Variants in TPRG1 observed in about 807,000 individuals in gnomAD.
TPRG1 encodes the protein tumor protein p63 regulated 1.
A neutral mutation model predicts 29.3 loss-of-function variants in TPRG1; 29 were observed. The ratio of observed to expected loss-of-function variants is 0.99; its 90% CI spans 0.74 to 1.35. The LOEUF (loss-of-function observed/expected upper bound fraction) is 1.35. Among genes scored for constraint, TPRG1 ranks in the 40% most tolerant of loss-of-function variants. TPRG1 has a pLI of 0.00. For missense variants in TPRG1, 327 were observed against 335.0 expected (o/e 0.98, Z 0.19); for synonymous variants, 130 against 116.8 (o/e 1.11, Z -0.73).
chr3:189,302,489 C>T (rs1720991538), intron 4 of TPRG1, among the ~76,000 whole-genome samples: 1 of 152,222 alleles, frequency 6.6e-6, no homozygotes, highest in South Asian at 2.1e-4. Flanking sequence ...TGTGAGGCTC[C>T]GTGTACAGAA....
At chr3:189,132,418 T>C (rs1008582714) in exon 3 of TPRG1, 2 of 152,196 alleles carry the variant, frequency 1.3e-5, no homozygotes, top group Non-Finnish European at 2.9e-5. Flanking sequence ...GTCAAATGTG[T>C]GCGACCCTTC....
chr3:189,286,667 A>G (rs1718109950), intron 4 of TPRG1, among the ~76,000 whole-genome samples: 2 of 152,118 alleles, frequency 1.3e-5, no homozygotes, highest in African/African-American at 2.4e-5. Flanking sequence ...TCAGATTTGT[A>G]GGCCAGCCAC....
intron 4 of TPRG1, among the ~76,000 whole-genome samples, chr3:189,304,456 A>G (rs1721316002): frequency 6.6e-6 from 1 of 152,002 alleles, no homozygotes; most frequent in Non-Finnish European, 1.5e-5. Flanking sequence ...TTTCTTGGTT[A>G]CCCTTGCCAG....
chr3:189,323,750 T>C lies in TPRG1; in HGVS notation c.*2930T>C, dbSNP rs1256523670. 1.3e-5 allele frequency: 2 copies of C among 152,152 alleles called. No homozygotes were observed. Among genetic ancestry groups the C allele is most frequent in the Non-Finnish European group, 2.9e-5 (2 of 68,022 alleles). The allele number at this position is 152,152 out of a possible 1,614,324, so 9.4% of individuals were successfully genotyped here. On this transcript the variant is annotated 3_prime_UTR_variant, in exon 6 of 6. Coordinates refer to ENST00000345063, the MANE Select transcript of TPRG1 (RefSeq NM_198485.4). ...TTAGCAAATGGCATGATGAGTTTGA[T>C]TGATAATAGGAGTAGACGCAAGATA... is the stretch of plus-strand genomic sequence containing the variant.
chr3:189,259,362 G>A (rs898654662), intron 4 of TPRG1, among the ~76,000 whole-genome samples: 2 of 151,494 alleles, frequency 1.3e-5, no homozygotes, highest in East Asian at 3.9e-4. Context: ...GATGAACTGG[G>A]TACCTCAGTT....
chr3:189,026,598 A>G (rs1337952823), intron 4 of TPRG1, among the ~76,000 whole-genome samples: 1 of 152,214 alleles, frequency 6.6e-6, no homozygotes, highest in Non-Finnish European at 1.5e-5. Flanking sequence ...TGGGAATGGC[A>G]AGTAGGGTTT....
At chr3:189,052,870 G>C (rs982666569) in intron 4 of TPRG1, among the ~76,000 whole-genome samples, 4 of 152,118 alleles carry the variant, frequency 2.6e-5, no homozygotes, top group Admixed American at 6.5e-5. Context: ...ACTGATATGT[G>C]GTAGCTAAGC....
chr3:189,038,938 T>C (rs1714457975), intron 4 of TPRG1, among the ~76,000 whole-genome samples: 1 of 152,044 alleles, frequency 6.6e-6, no homozygotes, highest in African/African-American at 2.4e-5. Context: ...ACCCATCAGA[T>C]TGGTAAAAAT....
rs1724254467 is a variant in TPRG1 at position 189,320,883 on chromosome 3, A to G, written c.*63A>G. On this transcript the variant is annotated 3_prime_UTR_variant, in exon 6 of 6. Coordinates refer to ENST00000345063, the MANE Select transcript of TPRG1 (RefSeq NM_198485.4). ...ATGTCACTTTGAAAATTCCAGTTTG[A>G]CCCACGCTATTTTTGGACTGAAACA... 5 of 1,313,596 alleles carry G rather than the reference A, an allele frequency of 3.8e-6. No homozygotes were observed. The highest frequency in any genetic ancestry group is 5.1e-6 in the Non-Finnish European group (5 of 988,100). The allele number at this position is 1,313,596 out of a possible 1,614,324, so 81.4% of individuals were successfully genotyped here.
intron 3 of TPRG1, among the ~76,000 whole-genome samples, chr3:189,137,503 T>A (rs1723920412): frequency 6.6e-6 from 1 of 152,206 alleles, no homozygotes; most frequent in Non-Finnish European, 1.5e-5. Flanking sequence ...GAGCAGTGTT[T>A]GATGTGAGCA....
At chr3:189,013,202 A>T (rs955171946) in intron 3 of TPRG1, among the ~76,000 whole-genome samples, 1 of 152,102 alleles carries the variant, frequency 6.6e-6, no homozygotes, top group Non-Finnish European at 1.5e-5. Context: ...AGTCTCAGAG[A>T]TTCTGGTACT....
At chr3:189,139,681 T>C (rs1371649791) in intron 3 of TPRG1, among the ~76,000 whole-genome samples, 1 of 151,818 alleles carries the variant, frequency 6.6e-6, no homozygotes, top group East Asian at 1.9e-4. Flanking sequence ...TTTTTTTTTT[T>C]TCAAAAAAAA....
At chr3:189,139,614 G>A (rs537211631) in intron 3 of TPRG1, among the ~76,000 whole-genome samples, 3 of 150,904 alleles carry the variant, frequency 2.0e-5, no homozygotes, top group African/African-American at 7.3e-5. Flanking sequence ...ATATAGCAGC[G>A]TTTTCTTTTC....
chr3:189,234,181 G>A (rs1306498222), intron 3 of TPRG1, among the ~76,000 whole-genome samples: 1 of 152,114 alleles, frequency 6.6e-6, no homozygotes, highest in Non-Finnish European at 1.5e-5. Flanking sequence ...GCTTGGCCTT[G>A]TGCATATTTA....
chr3:189,264,633 G>C lies in TPRG1; in HGVS notation c.479+25724G>C, dbSNP rs946334467. 5.3e-5 allele frequency among the ~76,000 whole-genome samples: 8 copies of C among 151,934 alleles called. No homozygotes were observed. In the East Asian group the frequency reaches 9.7e-4, roughly 18 times the overall value. On this transcript the variant is annotated intron_variant, in intron 4 of 5. Transcript: ENST00000345063. ...TTCATTTAGGTGTGTCTGACTACTA[G>C]AGTTTTTTTTCCAATGAAGTGTTCA...
intron 3 of TPRG1, among the ~76,000 whole-genome samples, chr3:189,137,565 T>G (rs1286019444): frequency 2.6e-5 from 4 of 152,118 alleles, no homozygotes; most frequent in African/African-American, 9.7e-5. Flanking sequence ...CCTTATTGAC[T>G]GGCTTTGCTG....
chr3:189,026,419 T>C (rs1013916329), intron 4 of TPRG1, among the ~76,000 whole-genome samples: 1 of 152,202 alleles, frequency 6.6e-6, no homozygotes, highest in African/African-American at 2.4e-5. Flanking sequence ...CATTGGGGGT[T>C]GGATTTTGAC....
At chr3:189,029,690 G>A (rs1361541731) in intron 4 of TPRG1, among the ~76,000 whole-genome samples, 1 of 152,166 alleles carries the variant, frequency 6.6e-6, no homozygotes, top group Non-Finnish European at 1.5e-5. Flanking sequence ...CTCCAATGTT[G>A]GAGGTGGAGC....
At chr3:189,113,493 G>T (rs1460154941) in intron 1 of TPRG1, among the ~76,000 whole-genome samples, 5 of 152,066 alleles carry the variant, frequency 3.3e-5, no homozygotes, top group Admixed American at 1.3e-4. Flanking sequence ...TGCCCATTCA[G>T]TATGATATTG....
Sources: gnomAD v4.1 joint callset for allele counts (sites outside exome capture counted in the v4.1 genomes callset) on GRCh38, gnomAD v4.1.1 for gene constraint, MANE v1.5 for transcripts, NCBI Gene and HGNC (gene_info 2026-07-23, HGNC 2026-07-21) for gene names.